Variants in DPYD observed in about 807,000 individuals in gnomAD.
DPYD encodes the protein dihydropyrimidine dehydrogenase, also known as dihydropyrimidine dehydrogenase [NADP(+)].
DPYD carries 109 observed loss-of-function variants against 116.2 expected under a neutral mutation model. The observed-to-expected ratio is 0.94, with a 90% CI of 0.80 to 1.10. The LOEUF (loss-of-function observed/expected upper bound fraction) is 1.10. Among genes scored for constraint, DPYD ranks in the 50% least tolerant of loss-of-function variants. DPYD has a pLI of 0.00. For synonymous variants in DPYD, 440 were observed against 432.0 expected, an observed-to-expected ratio of 1.02 and a Z score of -0.23; for missense variants, 1,302 against 1,254.5, an observed-to-expected ratio of 1.04 and a Z score of -0.57.
chr1:97,186,011 T>C (rs11165804), intron 20 of DPYD, among the ~76,000 whole-genome samples: 20,241 of 152,186 alleles, frequency 0.13, 1,638 homozygotes, highest in East Asian at 0.28. Context: ...GCATAGAAGA[T>C]ACAAAACTTT....
chr1:97,669,765 C>T (rs1659757559), intron 8 of DPYD, among the ~76,000 whole-genome samples: 1 of 152,134 alleles, frequency 6.6e-6, no homozygotes, highest in South Asian at 2.1e-4. Context: ...CAAAATTTCA[C>T]ATTTCTGTAC....
intron 12 of DPYD, among the ~76,000 whole-genome samples, chr1:97,535,813 G>A (rs1649950706): frequency 1.3e-5 from 2 of 152,018 alleles, no homozygotes. Flanking sequence ...ACATATGGAT[G>A]TTACAAAAAA....
At chr1:97,177,297 G>T (rs1289817071) in intron 20 of DPYD, among the ~76,000 whole-genome samples, 1 of 152,140 alleles carries the variant, frequency 6.6e-6, no homozygotes, top group Non-Finnish European at 1.5e-5. Flanking sequence ...TACATTTCAA[G>T]TATGAAGGAG....
intron 7 of DPYD, among the ~76,000 whole-genome samples, chr1:97,680,585 T>C (rs1660378805): frequency 6.6e-6 from 1 of 152,174 alleles, no homozygotes; most frequent in South Asian, 2.1e-4. Context: ...AGAGTATAGA[T>C]AAGAATATTC....
chr1:97,255,708 G>GT (rs11428644), intron 18 of DPYD, among the ~76,000 whole-genome samples: 111,211 of 149,116 alleles, frequency 0.75, 41,664 homozygotes, highest in East Asian at 0.98. Context: ...TATTTTTGCC[G>GT]TTTTTTTTTT....
chr1:97,493,543 T>C (rs1679085026), intron 13 of DPYD, among the ~76,000 whole-genome samples: 1 of 152,146 alleles, frequency 6.6e-6, no homozygotes, highest in African/African-American at 2.4e-5. Flanking sequence ...ACTTGGTTAA[T>C]GTCAGGTGGA....
chr1:97,894,079 C>A (rs762361844), intron 1 of DPYD, among the ~76,000 whole-genome samples: 6 of 151,722 alleles, frequency 4.0e-5, no homozygotes, highest in Non-Finnish European at 7.4e-5. Context: ...ATCTTTATTT[C>A]TCACAGTTAG....
At chr1:97,888,112 A>G (rs948271513) in intron 1 of DPYD, among the ~76,000 whole-genome samples, 10 of 152,062 alleles carry the variant, frequency 6.6e-5, no homozygotes, top group African/African-American at 1.9e-4. Flanking sequence ...AAGTATGATG[A>G]CAATGTCTTA....
At chr1:97,569,478 T>A (rs1011366380) in intron 11 of DPYD, among the ~76,000 whole-genome samples, 8 of 148,990 alleles carry the variant, frequency 5.4e-5, no homozygotes, top group African/African-American at 2.0e-4. Context: ...AAAATATACA[T>A]ATACATATTT....
intron 13 of DPYD, among the ~76,000 whole-genome samples, chr1:97,473,033 T>C (rs1412786623): frequency 6.6e-6 from 1 of 152,150 alleles, no homozygotes; most frequent in Non-Finnish European, 1.5e-5. Context: ...ATATATGCCA[T>C]TATAGTCACC....
intron 14 of DPYD, among the ~76,000 whole-genome samples, chr1:97,408,895 C>A (rs1189187924): frequency 1.3e-5 from 2 of 152,132 alleles, no homozygotes; most frequent in Non-Finnish European, 2.9e-5. Context: ...AGCTTTTGGA[C>A]TCTTGGACTT....
At chr1:97,266,880 T>C in intron 18 of DPYD, among the ~76,000 whole-genome samples, 1 of 152,174 alleles carries the variant, frequency 6.6e-6, no homozygotes, top group African/African-American at 2.4e-5. Flanking sequence ...TATAGCTGCA[T>C]AGTATTCCAC....
At chr1:97,156,815 C>G (rs2101732953) in intron 20 of DPYD, among the ~76,000 whole-genome samples, 1 of 152,124 alleles carries the variant, frequency 6.6e-6, no homozygotes, top group Non-Finnish European at 1.5e-5. Context: ...GACACATGCA[C>G]ACGTATGTTT....
intron 20 of DPYD, among the ~76,000 whole-genome samples, chr1:97,159,494 T>C (rs1655729056): frequency 6.6e-6 from 1 of 151,926 alleles, no homozygotes; most frequent in Admixed American, 6.6e-5. Flanking sequence ...GAAGAAAGAA[T>C]GAAACAGAAA....
intron 8 of DPYD, among the ~76,000 whole-genome samples, chr1:97,619,059 G>C (rs1050708615): frequency 6.6e-6 from 1 of 151,924 alleles, no homozygotes; most frequent in Non-Finnish European, 1.5e-5. Flanking sequence ...ACTGTAAATG[G>C]GGATAATATA....
chr1:97,114,037 G>A (rs554954193), intron 20 of DPYD, among the ~76,000 whole-genome samples: 1 of 152,164 alleles, frequency 6.6e-6, no homozygotes, highest in African/African-American at 2.4e-5. Flanking sequence ...ATGCTACATG[G>A]AAATTACATC....
intron 8 of DPYD, among the ~76,000 whole-genome samples, chr1:97,614,068 T>C (rs1656114753): frequency 6.6e-6 from 1 of 152,092 alleles, no homozygotes; most frequent in Non-Finnish European, 1.5e-5. Flanking sequence ...ACACATGGTA[T>C]TGGGATATGG....
chr1:97,343,386 C>G (rs1328332901), intron 16 of DPYD, among the ~76,000 whole-genome samples: 2 of 151,946 alleles, frequency 1.3e-5, no homozygotes, highest in African/African-American at 4.8e-5. Flanking sequence ...TCTCTGGTCC[C>G]TAGGTTGCAT....
intron 6 of DPYD, among the ~76,000 whole-genome samples, chr1:97,695,956 C>A (rs1661277642): frequency 6.6e-6 from 1 of 151,650 alleles, no homozygotes; most frequent in African/African-American, 2.4e-5. Context: ...ATGATGAAAT[C>A]CCATCTTTAT....
Sources: gnomAD v4.1 joint callset for allele counts (sites outside exome capture counted in the v4.1 genomes callset) on GRCh38, gnomAD v4.1.1 for gene constraint, MANE v1.5 for transcripts, NCBI Gene and HGNC (gene_info 2026-07-23, HGNC 2026-07-21) for gene names.